Variants in TENM4 observed in about 807,000 individuals in gnomAD.
TENM4 encodes teneurin-4.
TENM4 carries 82 observed loss-of-function variants against 243.3 expected under a neutral mutation model. The observed-to-expected ratio is 0.34, with a 90% CI of 0.28 to 0.40. The LOEUF is 0.40. Among genes scored for constraint, TENM4 ranks in the 10% least tolerant of loss-of-function variants. The pLI is 1.00. For missense variants in TENM4, 3,138 were observed against 3,673.3 expected (o/e 0.85, Z 3.77); for synonymous variants, 1,412 against 1,456.3 (o/e 0.97, Z 0.69).
intron 1 of TENM4, among the ~76,000 whole-genome samples, chr11:79,372,941 C>G (rs1857815571): frequency 6.6e-6 from 1 of 152,108 alleles, no homozygotes; most frequent in African/African-American, 2.4e-5. Context: ...GGGGAATCAA[C>G]CGTGCAGCCA....
chr11:78,667,855 C>A (rs1198977874), intron 32 of TENM4, among the ~76,000 whole-genome samples: 1 of 152,208 alleles, frequency 6.6e-6, no homozygotes, highest in African/African-American at 2.4e-5. Context: ...TTGCCTATCA[C>A]AAACTCTCTT....
chr11:79,386,652 C>G (rs1292009876), intron 1 of TENM4, among the ~76,000 whole-genome samples: 1 of 152,042 alleles, frequency 6.6e-6, no homozygotes, highest in Non-Finnish European at 1.5e-5. Flanking sequence ...AAAAGGTGCC[C>G]TATTTCAGTA....
chr11:78,903,995 A>C (rs1856003149), intron 6 of TENM4: 10 of 367,288 alleles, frequency 2.7e-5, no homozygotes, highest in Non-Finnish European at 4.2e-5. Flanking sequence ...AGTGACTCTG[A>C]TGTATGCTAA....
chr11:79,055,123 A>G (rs1859909359), intron 6 of TENM4, among the ~76,000 whole-genome samples: 1 of 109,926 alleles, frequency 9.1e-6, no homozygotes, highest in South Asian at 2.9e-4. Context: ...GTGAAACTCC[A>G]TCTCAAAAAA....
chr11:79,011,255 G>T (rs1382546562), intron 6 of TENM4, among the ~76,000 whole-genome samples: 1 of 152,166 alleles, frequency 6.6e-6, no homozygotes, highest in East Asian at 1.9e-4. Context: ...TATTGGCTGG[G>T]CACTGTTCTG....
chr11:79,296,932 T>C (rs562447332), intron 2 of TENM4, among the ~76,000 whole-genome samples: 1 of 152,324 alleles, frequency 6.6e-6, no homozygotes, highest in African/African-American at 2.4e-5. Context: ...CTATGTGGTA[T>C]TTATCTTGTT....
chr11:78,844,823 A>G (rs1441076483), intron 12 of TENM4, among the ~76,000 whole-genome samples: 2 of 152,214 alleles, frequency 1.3e-5, no homozygotes, highest in Non-Finnish European at 2.9e-5. Flanking sequence ...CAGAACTGTG[A>G]GAAATAAATT....
chr11:79,037,039 A>G (rs1232733666), intron 6 of TENM4, among the ~76,000 whole-genome samples: 1 of 140,148 alleles, frequency 7.1e-6, no homozygotes, highest in African/African-American at 3.1e-5. Flanking sequence ...AAAAAAAAAA[A>G]AAAAAAGAAA....
At chr11:79,415,734 T>G (rs1245392743) in intron 1 of TENM4, among the ~76,000 whole-genome samples, 1 of 152,228 alleles carries the variant, frequency 6.6e-6, no homozygotes, top group Admixed American at 6.5e-5. Context: ...CATACTTTAT[T>G]GAGCTATATT....
At chr11:79,355,953 T>G (rs572431982) in intron 1 of TENM4, among the ~76,000 whole-genome samples, 1 of 152,330 alleles carries the variant, frequency 6.6e-6, no homozygotes, top group South Asian at 2.1e-4. Context: ...GCACATTTCC[T>G]ATCCCAGGGG....
intron 12 of TENM4, among the ~76,000 whole-genome samples, chr11:78,822,902 C>T (rs978206878): frequency 1.3e-5 from 2 of 152,146 alleles, no homozygotes; most frequent in African/African-American, 4.8e-5. Flanking sequence ...TCAGGAGCTA[C>T]CTTAACTTTT....
chr11:79,372,057 T>C (rs1857798790), intron 1 of TENM4, among the ~76,000 whole-genome samples: 2 of 152,228 alleles, frequency 1.3e-5, no homozygotes, highest in African/African-American at 2.4e-5. Flanking sequence ...GCTCCTGCCC[T>C]GCCTCTATCC....
rs1200265273 is a variant in TENM4, at chr11:78,701,808, G to A, written c.4805C>T (p.Pro1602Leu). ...GAAGTTGTACAGGTAGTCTCCTGTG[G>A]GCAGGCTTTGGGTGTACAGGTGCTT... ...TGKHLYTQSL[P>L]TGDYLYNFTY... The change falls in exon 28 of 34, where the codon CCC (proline) becomes CTC (leucine). Residue 1602 changes from proline to leucine, a missense_variant. Pro to Leu is a moderately conservative substitution (Grantham distance 98). Around this residue, in one of 2 missense-constraint regions of TENM4, gnomAD observed 2,467 missense variants for 3,059.1 expected, o/e 0.81. Coordinates refer to ENST00000278550, the MANE Select transcript of TENM4 (RefSeq NM_001098816.3). 8.7e-6 allele frequency: 14 copies of A among 1,613,858 alleles called. No homozygotes were observed. Among genetic ancestry groups the A allele is most frequent in the Non-Finnish European group, 1.2e-5 (14 of 1,179,882 alleles).
chr11:79,070,147 C>T (rs1255207803), intron 4 of TENM4, 138 bp from the exon 5 acceptor site: 8 of 1,108,474 alleles, frequency 7.2e-6, no homozygotes, highest in East Asian at 2.6e-5. Flanking sequence ...TCCACCACTA[C>T]GCAGCCCATA....
chr11:79,131,209 T>G lies in TENM4; in HGVS notation c.-66+17501A>C, dbSNP rs553915487. Among the ~76,000 whole-genome samples the G allele has an allele frequency of 3.9e-5, 6 of 152,188 alleles. No homozygotes were observed. In the South Asian group the frequency reaches 1.2e-3, roughly 32 times the overall value. ...CCTGGAGAATTCATCGCAAAAAGAT[T>G]GCCTCGGCACATTGTCATCGGGTTA... On this transcript the variant is annotated intron_variant, in intron 4 of 33. Coordinates refer to ENST00000278550, the MANE Select transcript of TENM4 (RefSeq NM_001098816.3).
Position 78,863,023 on chromosome 11 carries a change from T to C in TENM4, c.1194A>G (p.Leu398=), listed in dbSNP as rs1301721521. 2 of 1,536,172 alleles carry C rather than the reference T, an allele frequency of 1.3e-6. No individual in the cohort carries two copies. Among genetic ancestry groups the C allele is most frequent in the South Asian group, 1.2e-5 (1 of 82,786 alleles). The change falls in exon 10 of 34, where the codon CTA becomes CTG. Residue 398 remains leucine (L), a synonymous_variant. Transcript: ENST00000278550. ...SSWPVPTDVS[L]YPSGGTGLET... Reference sequence around the variant, plus strand: ...CTAAGCCAGTGCCCCCTGAGGGGTATAGGGAGACGTCGGTTGGCACAGGCC... The same window carrying C: ...CTAAGCCAGTGCCCCCTGAGGGGTACAGGGAGACGTCGGTTGGCACAGGCC...
chr11:78,884,568 A>G (rs1855509221), intron 9 of TENM4, among the ~76,000 whole-genome samples: 1 of 152,344 alleles, frequency 6.6e-6, no homozygotes, highest in East Asian at 1.9e-4. Flanking sequence ...GGCAAGTTGC[A>G]AACTTCTCTG....
intron 6 of TENM4, among the ~76,000 whole-genome samples, chr11:79,038,127 T>C (rs1565177471): frequency 6.6e-6 from 1 of 152,230 alleles, no homozygotes; most frequent in Non-Finnish European, 1.5e-5. Flanking sequence ...TGTTCATCAT[T>C]GTATTCCCAA....
intron 32 of TENM4, among the ~76,000 whole-genome samples, chr11:78,667,494 C>T (rs1204782825): frequency 1.3e-5 from 2 of 152,136 alleles, no homozygotes; most frequent in Non-Finnish European, 2.9e-5. Context: ...TCCCCCATTA[C>T]CTGGTGAACA....
Sources: gnomAD v4.1 joint callset for allele counts (sites outside exome capture counted in the v4.1 genomes callset) on GRCh38, gnomAD v4.1.1 for gene constraint, gnomAD v4.1.1 regional missense constraint, MANE v1.5 for transcripts, NCBI Gene and HGNC (gene_info 2026-07-23, HGNC 2026-07-21) for gene names.